Variants in KIF16B observed in about 807,000 individuals in gnomAD.
The protein encoded by KIF16B is kinesin family member 16B, also known as kinesin-like protein KIF16B.
KIF16B carries 98 observed loss-of-function variants against 156.3 expected under a neutral mutation model. The observed-to-expected ratio is 0.63, with a 90% CI of 0.53 to 0.74. KIF16B has a LOEUF of 0.74. Ranked by LOEUF, KIF16B falls within the 30% of genes least tolerant of loss-of-function variation. The pLI is 0.00. For synonymous variants in KIF16B, 564 were observed against 583.7 expected (o/e 0.97, Z 0.49); for missense variants, 1,421 against 1,606.5 (o/e 0.88, Z 1.97).
At chr20:16,289,368 A>G (rs2063279301) in intron 25 of KIF16B, among the ~76,000 whole-genome samples, 1 of 152,168 alleles carries the variant, frequency 6.6e-6, no homozygotes, top group Admixed American at 6.5e-5. Flanking sequence ...CAAATATGTT[A>G]ATTTTCCCCT....
chr20:16,497,703 T>A, intron 10 of KIF16B, 25 bp from the exon 11 acceptor site: 1 of 1,500,386 alleles, frequency 6.7e-7, no homozygotes, highest in Non-Finnish European at 9.2e-7. Context: ...ATAAAAGAAA[T>A]CAGCAATTAA....
chr20:16,365,285 T>C (rs559237046), intron 22 of KIF16B, among the ~76,000 whole-genome samples: 39 of 152,304 alleles, frequency 2.6e-4, no homozygotes, highest in African/African-American at 8.7e-4. Context: ...TAGAAAACTA[T>C]CATGGTACAT....
chr20:16,293,990 A>C (rs973414342), intron 25 of KIF16B, among the ~76,000 whole-genome samples: 2 of 152,070 alleles, frequency 1.3e-5, no homozygotes, highest in Admixed American at 6.6e-5. Flanking sequence ...TTTTTTAAAA[A>C]GTCAAGAAGA....
chr20:16,452,703 T>C (rs774522261), intron 12 of KIF16B, among the ~76,000 whole-genome samples: 5 of 151,530 alleles, frequency 3.3e-5, no homozygotes, highest in African/African-American at 4.8e-5. Context: ...GGCGTGGTGG[T>C]GGGTGCCTGT....
At chr20:16,355,417 A>G (rs905507746) in intron 23 of KIF16B, among the ~76,000 whole-genome samples, 5 of 152,210 alleles carry the variant, frequency 3.3e-5, no homozygotes, top group African/African-American at 1.2e-4. Context: ...CAGATGACTT[A>G]TGGCTGCTCA....
chr20:16,430,966 A>C lies in KIF16B; in HGVS notation c.1303-984T>G, dbSNP rs184868528. Among the ~76,000 whole-genome samples, 701 of 152,084 alleles carry C rather than the reference A, an allele frequency of 4.6e-3. 5 individuals are homozygous for C. Among genetic ancestry groups the C allele is most frequent in the East Asian group, 0.023 (120 of 5,158 alleles). On this transcript the variant is annotated intron_variant, in intron 12 of 25. Transcript: ENST00000354981. ...AAAAACAAAAAACAAAACAAACAAA[A>C]AAAACCTTGATTCTCTCTGCCTCCC...
At chr20:16,354,159 G>C (rs1220442217) in intron 23 of KIF16B, among the ~76,000 whole-genome samples, 1 of 152,064 alleles carries the variant, frequency 6.6e-6, no homozygotes, top group African/African-American at 2.4e-5. Context: ...ATTATTATTT[G>C]CTTGTAATTT....
chr20:16,510,058 T>C (rs2068908540), intron 6 of KIF16B, among the ~76,000 whole-genome samples: 1 of 152,220 alleles, frequency 6.6e-6, no homozygotes, highest in Non-Finnish European at 1.5e-5. Flanking sequence ...CCTACACAGC[T>C]TAATAATCCC....
chr20:16,356,382 C>A lies in KIF16B; in HGVS notation c.3569G>T (p.Arg1190Leu). Reference sequence around the variant, plus strand: ...CTTTCCTTGCCCGCAGAGGACGTAGCGTGGGATACTAATTTTAATTGGGTC... The same window carrying A: ...CTTTCCTTGCCCGCAGAGGACGTAGAGTGGGATACTAATTTTAATTGGGTC... ...LKDPIKISIP[R>L]YVLCGQGKDA... The change falls in exon 23 of 26, where the codon CGC (arginine) becomes CTC (leucine). Residue 1190 changes from arginine to leucine, a missense_variant. Transcript: ENST00000354981. 2 of 1,614,132 alleles carry A rather than the reference C, an allele frequency of 1.2e-6. No individual in the cohort carries two copies. Among genetic ancestry groups the A allele is most frequent in the Non-Finnish European group, 1.7e-6 (2 of 1,180,000 alleles).
chr20:16,312,477 T>C, intron 24 of KIF16B, 59 bp from the exon 25 acceptor site: 1 of 1,223,862 alleles, frequency 8.2e-7, no homozygotes, highest in Non-Finnish European at 1.2e-6. Context: ...TGTTGGGCTA[T>C]TATTAATCTA....
intron 17 of KIF16B, among the ~76,000 whole-genome samples, chr20:16,394,334 G>A (rs2065440940): frequency 6.6e-6 from 1 of 152,192 alleles, no homozygotes; most frequent in Non-Finnish European, 1.5e-5. Flanking sequence ...GTGGCTCACA[G>A]TGGAATAATA....
At chr20:16,558,096 C>A (rs1040531349) in intron 1 of KIF16B, among the ~76,000 whole-genome samples, 1 of 152,162 alleles carries the variant, frequency 6.6e-6, no homozygotes. Flanking sequence ...ATTGAAGAAG[C>A]GACATTTGAA....
chr20:16,561,313 T>C (rs1039376092), intron 1 of KIF16B, among the ~76,000 whole-genome samples: 2 of 151,852 alleles, frequency 1.3e-5, no homozygotes, highest in Admixed American at 6.6e-5. Context: ...TAGTAGAGAG[T>C]AGAAAATATC....
At chr20:16,382,985 G>A (rs752091817) in intron 17 of KIF16B, among the ~76,000 whole-genome samples, 1 of 152,094 alleles carries the variant, frequency 6.6e-6, no homozygotes, top group South Asian at 2.1e-4. Context: ...AAGATGTCTG[G>A]TGGATTTCGT....
At chr20:16,546,984 C>T (rs1017024393) in intron 1 of KIF16B, among the ~76,000 whole-genome samples, 3 of 152,078 alleles carry the variant, frequency 2.0e-5, no homozygotes, top group Admixed American at 2.0e-4. Flanking sequence ...GCCATTTTGC[C>T]CAGGCTGGTC....
At position 16,483,968 on chromosome 20, in the gene KIF16B, GC is replaced by G. The variant is rs538596670; in HGVS notation, c.1302+10322del. 1.5e-4 allele frequency among the ~76,000 whole-genome samples: 23 copies of G among 152,258 alleles called. No homozygotes were observed. In the East Asian group the frequency reaches 4.4e-3, roughly 29 times the overall value. On this transcript the variant is annotated intron_variant, in intron 12 of 25. Coordinates refer to ENST00000354981, the MANE Select transcript of KIF16B (RefSeq NM_024704.5). ...GCCAACTAAACCAAGTTCCTACAAT[GC>G]AGCATCCGCTGAGTACAAGTGTACA...
At chr20:16,523,636 C>T (rs1404915680) in intron 3 of KIF16B, among the ~76,000 whole-genome samples, 2 of 152,104 alleles carry the variant, frequency 1.3e-5, no homozygotes, top group Non-Finnish European at 2.9e-5. Context: ...TCAATGCTAT[C>T]CCCATCAAGC....
At position 16,426,605 on chromosome 20, in the gene KIF16B, C is replaced by T. The variant is rs181825510; in HGVS notation, c.1612+499G>A. On this transcript the variant is annotated intron_variant, in intron 15 of 25. Coordinates refer to ENST00000354981, the MANE Select transcript of KIF16B (RefSeq NM_024704.5). ...AAATACACAATGAAGTATTCAAGGA[C>T]GGCAGGGCACTATTTACTTTCCAAT... Among the ~76,000 whole-genome samples the T allele has an allele frequency of 2.2e-3, 328 of 152,210 alleles. 1 individual carries two copies. The highest frequency in any genetic ancestry group is 3.7e-3 in the Non-Finnish European group (253 of 68,006).
At chr20:16,435,584 T>C (rs74763527) in intron 12 of KIF16B, among the ~76,000 whole-genome samples, 17,247 of 152,292 alleles carry the variant, frequency 0.11, 1,197 homozygotes, top group Non-Finnish European at 0.17. Flanking sequence ...TTATTTTTCA[T>C]TTCACAAAGC....
Sources: gnomAD v4.1 joint callset for allele counts (sites outside exome capture counted in the v4.1 genomes callset) on GRCh38, gnomAD v4.1.1 for gene constraint, MANE v1.5 for transcripts, NCBI Gene and HGNC (gene_info 2026-07-23, HGNC 2026-07-21) for gene names.